IGSF11: variants seen among roughly 807,000 people sequenced by gnomAD.
IGSF11 encodes immunoglobulin superfamily member 11.
A neutral mutation model predicts 41.0 loss-of-function variants in IGSF11; 22 were observed. The observed-to-expected ratio is 0.54, with a 90% CI of 0.38 to 0.77. The LOEUF (loss-of-function observed/expected upper bound fraction) is 0.77. Among genes scored for constraint, IGSF11 ranks in the 30% least tolerant of loss-of-function variants. The probability of loss-of-function intolerance (pLI) is 0.00; values close to 1 mark genes in which losing one functional copy is unlikely to be tolerated. For missense variants in IGSF11, 444 were observed against 530.8 expected (o/e 0.84, Z 1.61); for synonymous variants, 219 against 201.3 (o/e 1.09, Z -0.74).
intron 1 of IGSF11, among the ~76,000 whole-genome samples, chr3:119,129,532 C>A (rs2077448886): frequency 6.6e-6 from 1 of 151,792 alleles, no homozygotes; most frequent in Admixed American, 6.6e-5. Context: ...AGTTAAAAAG[C>A]AGGGGGATGA....
In IGSF11 at chr3:119,111,546, G is replaced by A. The variant is rs553687264; in HGVS notation, c.-13-6341C>T. Among the ~76,000 whole-genome samples, 290 of 151,866 alleles carry A rather than the reference G, an allele frequency of 1.9e-3. 3 individuals carry two copies. Among genetic ancestry groups the A allele is most frequent in the African/African-American group, 6.4e-3 (265 of 41,504 alleles). ...TTGCCTTTGGTTTGAATTTCCTCCT[G>A]TAGGTTGGAGTAGTTTGATCATCTG... On this transcript the variant is annotated intron_variant, in intron 1 of 7. Transcript: ENST00000425327.
chr3:119,004,604 C>T (rs1275965265), intron 1 of IGSF11, among the ~76,000 whole-genome samples: 2 of 144,322 alleles, frequency 1.4e-5, no homozygotes, highest in African/African-American at 5.4e-5. Context: ...GCATTTAGTG[C>T]TATAAATTTC....
At chr3:119,018,584 T>C (rs1938978026) in intron 1 of IGSF11, among the ~76,000 whole-genome samples, 1 of 152,250 alleles carries the variant, frequency 6.6e-6, no homozygotes, top group African/African-American at 2.4e-5. Context: ...GGCTCTTAAC[T>C]ATAGGTACTG....
At chr3:119,104,975 T>C (rs1242929499) in intron 1 of IGSF11, among the ~76,000 whole-genome samples, 4 of 152,192 alleles carry the variant, frequency 2.6e-5, no homozygotes. Context: ...AATAAATATT[T>C]TTTGAAAGAA....
At chr3:119,086,038 G>T (rs112750873) in intron 1 of IGSF11, among the ~76,000 whole-genome samples, 6 of 152,232 alleles carry the variant, frequency 3.9e-5, no homozygotes. Context: ...AAAGGATGAA[G>T]TGAAGTTACA....
exon 1 of IGSF11, chr3:119,145,975 T>C (rs2077718871): frequency 1.9e-6 from 1 of 532,262 alleles, no homozygotes; most frequent in Non-Finnish European, 3.3e-6. Context: ...TCTCAGGACA[T>C]GGCGTACTCC....
intron 1 of IGSF11, among the ~76,000 whole-genome samples, chr3:119,023,494 C>T (rs183553945): frequency 6.6e-6 from 1 of 152,176 alleles, no homozygotes; most frequent in East Asian, 1.9e-4. Flanking sequence ...GAACCAGATA[C>T]AAAATCAGCC....
upstream of IGSF11, among the ~76,000 whole-genome samples, chr3:119,106,160 G>A (rs970613121): frequency 6.6e-6 from 1 of 152,110 alleles, no homozygotes; most frequent in East Asian, 1.9e-4. Flanking sequence ...TAACATCATG[G>A]TAGATGGCAT....
rs532942441 is a variant in IGSF11, at chr3:119,049,497, G to A, written c.49+55647C>T. On this transcript the variant is annotated intron_variant, in intron 1 of 6. Coordinates refer to the IGSF11 transcript ENST00000354673. Reference sequence around the variant, plus strand: ...CAAACCGCTGTTCAAGGAAATAAAAGAGGATACAAACAAATGGAAGAACAT... The same window carrying A: ...CAAACCGCTGTTCAAGGAAATAAAAAAGGATACAAACAAATGGAAGAACAT... 6.7e-3 allele frequency among the ~76,000 whole-genome samples: 1,027 copies of A among 152,278 alleles called. 4 individuals carry two copies. Among genetic ancestry groups the A allele is most frequent in the Middle Eastern group, 0.014 (4 of 294 alleles).
At chr3:118,937,333 T>C (rs1201372808) in intron 1 of IGSF11, among the ~76,000 whole-genome samples, 8 of 152,316 alleles carry the variant, frequency 5.3e-5, no homozygotes, top group African/African-American at 1.7e-4. Flanking sequence ...AAAATAAAAA[T>C]TGTACACTAT....
upstream of IGSF11, among the ~76,000 whole-genome samples, chr3:119,106,364 C>A (rs1051194553): frequency 6.6e-6 from 1 of 152,188 alleles, no homozygotes; most frequent in South Asian, 2.1e-4. Context: ...GAACTTCCCA[C>A]TACCCTTCCC....
chr3:118,990,239 G>C (rs955364776), intron 1 of IGSF11, among the ~76,000 whole-genome samples: 1 of 152,206 alleles, frequency 6.6e-6, no homozygotes, highest in Non-Finnish European at 1.5e-5. Flanking sequence ...ATTTGAAAGG[G>C]AGAGAGAATA....
chr3:119,014,868 T>G (rs1043272721), intron 1 of IGSF11, among the ~76,000 whole-genome samples: 1 of 152,214 alleles, frequency 6.6e-6, no homozygotes, highest in Non-Finnish European at 1.5e-5. Context: ...ATCTTCACCT[T>G]CTGGCTTGGA....
At chr3:118,939,384 T>C (rs1302857688) in intron 1 of IGSF11, among the ~76,000 whole-genome samples, 3 of 152,110 alleles carry the variant, frequency 2.0e-5, no homozygotes, top group Admixed American at 1.3e-4. Context: ...AAGACCAGCC[T>C]GGCCAACATG....
At chr3:118,979,593 G>A (rs1336978811) in intron 1 of IGSF11, among the ~76,000 whole-genome samples, 4 of 152,156 alleles carry the variant, frequency 2.6e-5, no homozygotes, top group African/African-American at 4.8e-5. Context: ...GAAAATTTAC[G>A]GAAAACTCTT....
At chr3:119,072,014 T>C (rs2076406971) in intron 1 of IGSF11, among the ~76,000 whole-genome samples, 1 of 152,160 alleles carries the variant, frequency 6.6e-6, no homozygotes, top group Non-Finnish European at 1.5e-5. Flanking sequence ...CTTCAGGAAA[T>C]ACAAGTCTTG....
chr3:119,042,737 C>T (rs1239023842), intron 1 of IGSF11, among the ~76,000 whole-genome samples: 1 of 152,146 alleles, frequency 6.6e-6, no homozygotes, highest in Non-Finnish European at 1.5e-5. Context: ...TATGGCCCTA[C>T]CCATCACCTG....
rs1034173409 is a variant in IGSF11, at chr3:119,042,418, A to T, written c.49+62726T>A. ...TGCAGGCTGACTGGATATAAACTCA[A>T]TATGGTTGCTGGGGCATGGCAGGAT... On this transcript the variant is annotated intron_variant, in intron 1 of 6. Coordinates refer to the IGSF11 transcript ENST00000354673. Among the ~76,000 whole-genome samples the T allele has an allele frequency of 7.7e-4, 117 of 152,192 alleles. 1 individual carries two copies. The highest frequency in any genetic ancestry group is 4.5e-3 in the Admixed American group (69 of 15,278).
At chr3:118,920,874 G>A (rs1285751208) in intron 4 of IGSF11, among the ~76,000 whole-genome samples, 2 of 152,030 alleles carry the variant, frequency 1.3e-5, no homozygotes, top group Non-Finnish European at 1.5e-5. Flanking sequence ...CCTAACACCT[G>A]CAATATAATG....
Sources: allele counts gnomAD v4.1 joint callset (sites outside exome capture counted in the v4.1 genomes callset), GRCh38; gene constraint gnomAD v4.1.1; transcripts MANE v1.5; gene names NCBI Gene and HGNC (gene_info 2026-07-23, HGNC 2026-07-21).